The following KCNAB2 variants were observed in gnomAD, a reference collection of about 807,000 sequenced individuals.
The protein encoded by KCNAB2 is potassium voltage-gated channel subfamily A regulatory beta subunit 2.
A neutral mutation model predicts 63.6 loss-of-function variants in KCNAB2; 29 were observed. The ratio of observed to expected loss-of-function variants is 0.46; its 90% CI spans 0.34 to 0.62. The LOEUF is 0.62. Ranked by LOEUF, KCNAB2 falls within the 20% of genes least tolerant of loss-of-function variation. The pLI, the probability that KCNAB2 is intolerant of heterozygous loss-of-function variation, is 0.01. For missense variants in KCNAB2, 359 were observed against 563.9 expected (o/e 0.64, Z 3.68); for synonymous variants, 222 against 224.2 (o/e 0.99, Z 0.09).
intron 4 of KCNAB2, among the ~76,000 whole-genome samples, chr1:6,080,454 G>A (rs1664100710): frequency 6.6e-6 from 1 of 152,110 alleles, no homozygotes; most frequent in South Asian, 2.1e-4. Context: ...GATACCTCAG[G>A]GCAGTTGAGC....
rs919240457 is a variant in KCNAB2 at position 6,095,722 on chromosome 1, C to T, written c.948+98C>T. ...CTGCTTTGGTGCTGGGCAGGGGTTC[C>T]GGGAGCTGCAGCTGTTCCCACCTCG... On this transcript the variant is annotated intron_variant, in intron 13 of 15. Transcript: ENST00000378083. 75 of 1,152,078 alleles carry T rather than the reference C, an allele frequency of 6.5e-5. No individual in the cohort carries two copies. The Middle Eastern group carries it at 1.0e-3, about 15-fold the overall frequency. 71.4% of individuals were successfully genotyped at this position (1,152,078 alleles called of 1,614,324 possible).
intron 2 of KCNAB2, among the ~76,000 whole-genome samples, chr1:6,055,954 C>A (rs747252902): frequency 6.6e-6 from 1 of 152,176 alleles, no homozygotes; most frequent in Admixed American, 6.5e-5. Context: ...TGCCCGGTGC[C>A]GCAAGAAACC....
rs945367182 is a variant in KCNAB2, at chr1:6,078,532, C to T, written c.301-3663C>T. ...GGTCCAGAGAAAGAGCCTTCGGGGG[C>T]CAAGGGGACAACCAAGGCACAGCCC... is the stretch of plus-strand genomic sequence containing the variant. On this transcript the variant is annotated intron_variant, in intron 4 of 15. Coordinates refer to ENST00000378083, the MANE Select transcript of KCNAB2 (RefSeq NM_001199862.2). The surrounding 1 kb of genome is among the most constrained non-coding windows in gnomAD (Gnocchi z 4.2). 2.3e-4 allele frequency among the ~76,000 whole-genome samples: 35 copies of T among 152,186 alleles called. No individual in the cohort carries two copies. Among genetic ancestry groups the T allele is most frequent in the African/African-American group, 5.5e-4 (23 of 41,512 alleles).
At position 6,045,903 on chromosome 1, in the gene KCNAB2, G is replaced by A. The variant is rs1199077965; in HGVS notation, c.-307G>A. The A allele has an allele frequency of 1.0e-6, 1 of 985,382 alleles. No individual in the cohort carries two copies. Among genetic ancestry groups the A allele is most frequent in the Non-Finnish European group, 1.2e-6 (1 of 829,976 alleles). The allele number at this position is 985,382 out of a possible 1,614,324, so 61.0% of individuals were successfully genotyped here. A position where few individuals can be genotyped will look rare whatever the true frequency, so the allele number is the denominator to read the frequency against. On this transcript the variant is annotated 5_prime_UTR_variant, in exon 1 of 16. Coordinates refer to ENST00000378083, the MANE Select transcript of KCNAB2 (RefSeq NM_001199862.2). The surrounding 1 kb of genome is among the most constrained non-coding windows in gnomAD (Gnocchi z 4.8). The stretch of plus-strand genomic sequence containing the variant: ...ACGCACCGGGAGTCAGCCTTGCCAG[G>A]TTGCAGCACGGAACTGCACTTCCCG...
intron 1 of KCNAB2, among the ~76,000 whole-genome samples, chr1:6,022,194 G>A (rs1658876603): frequency 1.3e-5 from 2 of 151,216 alleles, no homozygotes; most frequent in African/African-American, 2.4e-5. Flanking sequence ...GGTATTGAGT[G>A]CGTAAATTCA....
intron 13 of KCNAB2, 110 bp downstream of exon 13, chr1:6,095,734 C>A: frequency 1.0e-6 from 1 of 989,484 alleles, no homozygotes; most frequent in Non-Finnish European, 1.6e-6. Context: ...GGAGCTGCAG[C>A]TGTTCCCACC....
chr1:6,078,810 A>G lies in KCNAB2; in HGVS notation c.301-3385A>G, dbSNP rs2100693651. Among the ~76,000 whole-genome samples the G allele has an allele frequency of 6.6e-6, 1 of 151,326 alleles. No homozygotes were observed. The highest frequency in any genetic ancestry group is 3.4e-3 in the Middle Eastern group (1 of 294). ...CCATGTACTCGGAAGGCACATCCTG[A>G]TGTGGCAGGGCTGTCGTGGAGCCTG... On this transcript the variant is annotated intron_variant, in intron 4 of 15. Transcript: ENST00000378083. This position sits in a 1 kb window ranked among gnomAD's most constrained non-coding sequence, Gnocchi z 4.2.
intron 1 of KCNAB2, among the ~76,000 whole-genome samples, chr1:6,039,371 A>T (rs1388181579): frequency 6.6e-6 from 1 of 152,150 alleles, no homozygotes; most frequent in Non-Finnish European, 1.5e-5. Context: ...CAGGTGGAGG[A>T]AGGCGTGCAG....
In KCNAB2 at chr1:6,087,371, C is replaced by A; in HGVS notation, c.426-96C>A. ...CCAGGCTCCTGGGTGGGAGGGCTTT[C>A]AGGACCTCTGTGTGAGAGATGAGGA... On this transcript the variant is annotated intron_variant, in intron 6 of 15. Transcript: ENST00000378083. This position sits in a 1 kb window ranked among gnomAD's most constrained non-coding sequence, Gnocchi z 6.4. The A allele has an allele frequency of 7.4e-7, 1 of 1,359,878 alleles. No individual in the cohort carries two copies. The highest frequency in any genetic ancestry group is 1.1e-6 in the Non-Finnish European group (1 of 949,168). 84.2% of individuals were successfully genotyped at this position (1,359,878 alleles called of 1,614,324 possible). A position where few individuals can be genotyped will look rare whatever the true frequency, so the allele number is the denominator to read the frequency against.
intron 1 of KCNAB2, among the ~76,000 whole-genome samples, chr1:5,999,910 C>T (rs1219242525): frequency 1.4e-5 from 2 of 143,726 alleles, no homozygotes; most frequent in African/African-American, 5.4e-5. Flanking sequence ...CGTCTGTGCC[C>T]TGTCTGTGCC....
In KCNAB2 at chr1:6,099,086, C is replaced by G. The variant is rs1223021949; in HGVS notation, c.*512C>G. The G allele has an allele frequency of 6.5e-6, 1 of 153,538 alleles. No individual in the cohort carries two copies. Among genetic ancestry groups the G allele is most frequent in the Non-Finnish European group, 1.4e-5 (1 of 69,052 alleles). 9.5% of individuals were successfully genotyped at this position (153,538 alleles called of 1,614,324 possible). On this transcript the variant is annotated 3_prime_UTR_variant, in exon 16 of 16. Transcript: ENST00000378083. Reference sequence around the variant, plus strand: ...TGGTTGCTGGGGCAGGGCCTCCCCACTGGGGGTCTTCCTCCACCTCCCACT... The same window carrying G: ...TGGTTGCTGGGGCAGGGCCTCCCCAGTGGGGGTCTTCCTCCACCTCCCACT...
chr1:6,075,431 T>G (rs976797190), intron 4 of KCNAB2, among the ~76,000 whole-genome samples: 5 of 152,228 alleles, frequency 3.3e-5, no homozygotes, highest in Non-Finnish European at 7.3e-5. Context: ...GTGAAGATAT[T>G]GGAGGTCATT....
At position 6,046,187 on chromosome 1, in the gene KCNAB2, A is replaced by G. The variant is rs2100497597; in HGVS notation, c.-27+4A>G. ...GCAGACGCCCCCACGAAGGCAGGTG[A>G]GTCCTCCCTTCAGCCGCTACCTTCC... On this transcript the variant is annotated splice_donor_region_variant and intron_variant, in intron 1 of 15. Coordinates refer to ENST00000378083, the MANE Select transcript of KCNAB2 (RefSeq NM_001199862.2). 3 of 985,412 alleles carry G rather than the reference A, an allele frequency of 3.0e-6. No individual in the cohort carries two copies. Among genetic ancestry groups the G allele is most frequent in the African/African-American group, 3.5e-5 (2 of 57,366 alleles). The allele number at this position is 985,412 out of a possible 1,614,324, so 61.0% of individuals were successfully genotyped here.
chr1:6,038,334 A>G (rs1447883569), intron 1 of KCNAB2, among the ~76,000 whole-genome samples: 1 of 151,964 alleles, frequency 6.6e-6, no homozygotes, highest in Non-Finnish European at 1.5e-5. Flanking sequence ...TCCATCACCC[A>G]GGCTGGAGTG....
At chr1:6,007,096 C>T (rs1657841743) in intron 1 of KCNAB2, among the ~76,000 whole-genome samples, 2 of 152,142 alleles carry the variant, frequency 1.3e-5, no homozygotes, top group South Asian at 2.1e-4. Flanking sequence ...GCGGACAGTC[C>T]GACCTCTCCG....
Position 6,073,593 on chromosome 1 carries a change from T to C in KCNAB2, c.263-140T>C. The C allele has an allele frequency of 1.3e-6, 1 of 770,258 alleles. No homozygotes were observed. 47.7% of individuals were successfully genotyped at this position (770,258 alleles called of 1,614,324 possible). ...CTGAAGGCCAGCTGTCCACACACAC[T>C]AAGGACACCCTGGCCACAGAGCAGC... On this transcript the variant is annotated intron_variant, in intron 3 of 15. Transcript: ENST00000378083. This position sits in a 1 kb window ranked among gnomAD's most constrained non-coding sequence, Gnocchi z 5.7.
In KCNAB2 at chr1:6,073,646, G is replaced by C; in HGVS notation, c.263-87G>C. ...AGAGGGACACCTGTGGCTGCCCCCT[G>C]TGCCCTACAGCCTGAGGTCTGAGCA... On this transcript the variant is annotated intron_variant, in intron 3 of 15. Coordinates refer to ENST00000378083, the MANE Select transcript of KCNAB2 (RefSeq NM_001199862.2). The surrounding 1 kb of genome is among the most constrained non-coding windows in gnomAD (Gnocchi z 5.7). 2.3e-6 allele frequency: 3 copies of C among 1,280,796 alleles called. No homozygotes were observed. The highest frequency in any genetic ancestry group is 1.1e-6 in the Non-Finnish European group (1 of 877,126). 79.3% of individuals were successfully genotyped at this position (1,280,796 alleles called of 1,614,324 possible).
At chr1:6,093,396 G>C (rs1384334935) in intron 10 of KCNAB2, among the ~76,000 whole-genome samples, 1 of 152,228 alleles carries the variant, frequency 6.6e-6, no homozygotes, top group Admixed American at 6.5e-5. Flanking sequence ...GCCAAGTTCT[G>C]TTTTTAAAAT....
Position 6,074,775 on chromosome 1 carries a change from T to C in KCNAB2, c.300+1005T>C, listed in dbSNP as rs937405159. Among the ~76,000 whole-genome samples, 12 of 152,046 alleles carry C rather than the reference T, an allele frequency of 7.9e-5. No individual in the cohort carries two copies. Among genetic ancestry groups the C allele is most frequent in the African/African-American group, 2.4e-4 (10 of 41,462 alleles). ...AGGAGTTCCAGCCTGGCCAACATGG[T>C]GAAACCCCATGTCTACTAAAAATAC... On this transcript the variant is annotated intron_variant, in intron 4 of 15. Transcript: ENST00000378083. The surrounding 1 kb of genome is among the most constrained non-coding windows in gnomAD (Gnocchi z 4.9).
Sources: gnomAD v4.1 joint callset for allele counts (sites outside exome capture counted in the v4.1 genomes callset) on GRCh38, gnomAD v4.1.1 for gene constraint, Gnocchi (gnomAD v3.1) non-coding constraint, MANE v1.5 for transcripts, NCBI Gene and HGNC (gene_info 2026-07-23, HGNC 2026-07-21) for gene names.